EXOC4: variants seen among roughly 807,000 people sequenced by gnomAD.
EXOC4 encodes SEC8-like 1.
In EXOC4, 71 loss-of-function variants were observed where a neutral mutation model predicts 107.2. The observed-to-expected ratio is 0.66, with a 90% CI of 0.55 to 0.81. EXOC4 has a LOEUF of 0.81. EXOC4 is among the 30% of genes least tolerant of loss of function. The pLI is 0.00. For missense variants in EXOC4, 1,108 were observed against 1,189.6 expected, an observed-to-expected ratio of 0.93 and a Z score of 1.01; for synonymous variants, 456 against 441.2, an observed-to-expected ratio of 1.03 and a Z score of -0.42.
chr7:133,903,755 A>G (rs1002755416), intron 12 of EXOC4, among the ~76,000 whole-genome samples: 21 of 152,222 alleles, frequency 1.4e-4, no homozygotes, highest in African/African-American at 4.1e-4. Context: ...ATTTAAAACT[A>G]TGGGACTAGA....
chr7:133,978,843 A>G (rs1793904582), intron 14 of EXOC4, among the ~76,000 whole-genome samples: 1 of 152,298 alleles, frequency 6.6e-6, no homozygotes, highest in South Asian at 2.1e-4. Flanking sequence ...TTTTGGGAGT[A>G]CATCTCAATG....
rs949092991 is a variant in EXOC4, at chr7:133,505,990, T to A, written c.1417+25852T>A. ...GAATGAACGATTCCTTTTTGTTATG[T>A]TCAATGGAATATGTAAATACTTTCA... On this transcript the variant is annotated intron_variant, in intron 9 of 17. Transcript: ENST00000253861. Among the ~76,000 whole-genome samples, 5 of 152,306 alleles carry A rather than the reference T, an allele frequency of 3.3e-5. No individual in the cohort carries two copies. The East Asian group carries it at 5.8e-4, about 18-fold the overall frequency.
chr7:134,034,113 A>C (rs1442538441), intron 17 of EXOC4, among the ~76,000 whole-genome samples: 2 of 152,218 alleles, frequency 1.3e-5, no homozygotes, highest in Admixed American at 1.3e-4. Context: ...TGAAAAGGTA[A>C]CCATGAAGCA....
chr7:133,642,857 T>A (rs940838145), intron 10 of EXOC4, among the ~76,000 whole-genome samples: 1 of 152,254 alleles, frequency 6.6e-6, no homozygotes, highest in Non-Finnish European at 1.5e-5. Flanking sequence ...ATTTTCAAAA[T>A]TTTTTTCTTT....
chr7:134,099,461 C>T, the EXOC4 span, among the ~76,000 whole-genome samples: 2 of 151,140 alleles, frequency 1.3e-5, no homozygotes, highest in East Asian at 1.9e-4. Flanking sequence ...ACAAACAGGC[C>T]TTCTAGTTCC....
chr7:134,045,194 T>G (rs1795620768), intron 17 of EXOC4, among the ~76,000 whole-genome samples: 2 of 152,332 alleles, frequency 1.3e-5, no homozygotes, highest in South Asian at 4.1e-4. Context: ...TTTGGCTGAA[T>G]TATATTTCTA....
chr7:133,280,549 A>C lies in EXOC4; in HGVS notation c.276+5378A>C, dbSNP rs78678151. Among the ~76,000 whole-genome samples, 512 of 152,288 alleles carry C rather than the reference A, an allele frequency of 3.4e-3. 4 individuals carry two copies. The highest frequency in any genetic ancestry group is 0.012 in the African/African-American group (491 of 41,550). On this transcript the variant is annotated intron_variant, in intron 2 of 17. Transcript: ENST00000253861. ...TGAAGGGAGATACTTGGCTTTGTTG[A>C]GATGTGCACACAAACACTTAACATT...
chr7:133,797,276 CAT>C (rs1264483114), intron 10 of EXOC4, among the ~76,000 whole-genome samples: 1 of 152,042 alleles, frequency 6.6e-6, no homozygotes, highest in African/African-American at 2.4e-5. Flanking sequence ...TTATTGTGAG[CAT>C]ATGTTACTTT....
At chr7:133,348,318 G>A (rs949976075) in intron 5 of EXOC4, among the ~76,000 whole-genome samples, 3 of 152,148 alleles carry the variant, frequency 2.0e-5, no homozygotes, top group Non-Finnish European at 4.4e-5. Flanking sequence ...GAAAGAGAAG[G>A]TTCTAAACAA....
intron 9 of EXOC4, among the ~76,000 whole-genome samples, chr7:133,492,396 A>AACTTT: frequency 6.6e-6 from 1 of 152,176 alleles, no homozygotes. Flanking sequence ...GGAGTGTTAG[A>AACTTT]TAGGGGTAAA....
chr7:134,090,599 G>T, the EXOC4 span, among the ~76,000 whole-genome samples: 1 of 152,120 alleles, frequency 6.6e-6, no homozygotes, highest in Non-Finnish European at 1.5e-5. Flanking sequence ...CTGAGGCAGG[G>T]TGGGGAAGGC....
chr7:133,378,699 G>C (rs374079702), intron 7 of EXOC4, among the ~76,000 whole-genome samples: 1 of 151,284 alleles, frequency 6.6e-6, no homozygotes, highest in East Asian at 1.9e-4. Context: ...AAAATTCTAA[G>C]ATAGATACGT....
intron 4 of EXOC4, among the ~76,000 whole-genome samples, chr7:133,315,953 C>G (rs1278284026): frequency 1.3e-5 from 2 of 152,092 alleles, no homozygotes; most frequent in Non-Finnish European, 2.9e-5. Context: ...TGTAACAAGT[C>G]AAAAGGGAGA....
chr7:133,571,283 G>C (rs1801018244), intron 9 of EXOC4, among the ~76,000 whole-genome samples: 1 of 152,200 alleles, frequency 6.6e-6, no homozygotes, highest in Admixed American at 6.5e-5. Flanking sequence ...ACAGAAGGGA[G>C]CCAGTGAGTG....
Position 134,005,087 on chromosome 7 carries a change from G to A in EXOC4, c.2524G>A (p.Glu842Lys), listed in dbSNP as rs1415153994. 2.5e-6 allele frequency: 4 copies of A among 1,612,338 alleles called. No individual in the cohort carries two copies. Among genetic ancestry groups the A allele is most frequent in the Admixed American group, 1.7e-5 (1 of 59,886 alleles). The change falls in exon 16 of 18, where the codon GAA becomes AAA. Residue 842 changes from glutamate (E) to lysine (K), a missense_variant. Coordinates refer to ENST00000253861, the MANE Select transcript of EXOC4 (RefSeq NM_021807.4). ...GCAGCACAAGTTCCAGTATATCTTCGAAGGTCAGACCCTGCTTCTGTCTCT... is the reference window on the plus strand; with the variant it reads ...GCAGCACAAGTTCCAGTATATCTTCAAAGGTCAGACCCTGCTTCTGTCTCT... The part of the protein sequence containing the change: ...LQQHKFQYIF[E>K]GLGHLISCIL...
intron 10 of EXOC4, among the ~76,000 whole-genome samples, chr7:133,775,701 A>C (rs1447536391): frequency 1.3e-5 from 2 of 152,150 alleles, no homozygotes; most frequent in African/African-American, 4.8e-5. Context: ...TTCCCTATCC[A>C]TGTCTCCTGT....
At chr7:133,647,950 T>G (rs147728365) in intron 10 of EXOC4, among the ~76,000 whole-genome samples, 50 of 152,282 alleles carry the variant, frequency 3.3e-4, no homozygotes, top group African/African-American at 9.6e-4. Flanking sequence ...CAGAACACTT[T>G]GTTATGTTGG....
At chr7:133,653,856 A>G (rs1803223287) in intron 10 of EXOC4, among the ~76,000 whole-genome samples, 1 of 152,212 alleles carries the variant, frequency 6.6e-6, no homozygotes, top group Admixed American at 6.5e-5. Flanking sequence ...GTACGAGAAC[A>G]GGAAAAGGGC....
At chr7:133,731,748 G>A (rs1238405034) in intron 10 of EXOC4, among the ~76,000 whole-genome samples, 5 of 152,096 alleles carry the variant, frequency 3.3e-5, no homozygotes, top group Non-Finnish European at 5.9e-5. Flanking sequence ...TCAGCCTCAT[G>A]TTCATGTTGT....
Sources: gnomAD v4.1 joint callset for allele counts (sites outside exome capture counted in the v4.1 genomes callset) on GRCh38, gnomAD v4.1.1 for gene constraint, MANE v1.5 for transcripts, NCBI Gene and HGNC (gene_info 2026-07-23, HGNC 2026-07-21) for gene names.